ENTPD5: variants seen among roughly 807,000 people sequenced by gnomAD.
ENTPD5 encodes ectonucleoside triphosphate diphosphohydrolase 5 (inactive), also known as nucleoside diphosphate phosphatase ENTPD5.
A neutral mutation model predicts 60.2 loss-of-function variants in ENTPD5; 49 were observed. That is an observed-to-expected ratio of 0.81 (90% CI 0.65 to 1.03). The LOEUF (loss-of-function observed/expected upper bound fraction) is 1.03, where lower values mean the gene tolerates loss of function less well. ENTPD5 is among the 50% of genes least tolerant of loss of function. The pLI is 0.00. For synonymous variants in ENTPD5, 187 were observed against 185.4 expected (o/e 1.01, Z -0.07); for missense variants, 480 against 507.6 (o/e 0.95, Z 0.52).
intron 3 of ENTPD5, among the ~76,000 whole-genome samples, chr14:74,002,611 T>C (rs186259064): frequency 2.6e-5 from 4 of 152,260 alleles, no homozygotes; most frequent in Non-Finnish European, 5.9e-5. Flanking sequence ...GTTGAATACA[T>C]TTCCAGAATC....
intron 3 of ENTPD5, among the ~76,000 whole-genome samples, chr14:73,989,065 A>G (rs928840851): frequency 2.0e-5 from 3 of 150,388 alleles, no homozygotes; most frequent in Non-Finnish European, 4.5e-5. Context: ...CTCGTGATCC[A>G]CCCGCCTCGG....
At chr14:74,006,647 G>A (rs1451977500) in intron 3 of ENTPD5, among the ~76,000 whole-genome samples, 3 of 150,814 alleles carry the variant, frequency 2.0e-5, no homozygotes, top group African/African-American at 4.9e-5. Flanking sequence ...GTGCAGTGGT[G>A]CAGACACAGC....
downstream of ENTPD5, among the ~76,000 whole-genome samples, chr14:73,957,411 A>G (rs2056490232): frequency 6.6e-6 from 1 of 152,206 alleles, no homozygotes; most frequent in South Asian, 2.1e-4. Context: ...CTTTGTTGAC[A>G]GTATGACTGA....
Position 73,976,595 on chromosome 14 carries a change from G to GT in ENTPD5, c.554-184dup, listed in dbSNP as rs375982603. Among the ~76,000 whole-genome samples the GT allele has an allele frequency of 5.4e-3, 754 of 139,886 alleles. 4 individuals carry two copies. Among genetic ancestry groups the GT allele is most frequent in the Middle Eastern group, 0.011 (3 of 274 alleles). The allele number at this position is 139,886 out of a possible 152,430, so 91.8% of individuals were successfully genotyped here. On this transcript the variant is annotated intron_variant, in intron 8 of 15. Coordinates refer to ENST00000334696, the MANE Select transcript of ENTPD5 (RefSeq NM_001249.5). ...TGCAGCAGAGGCCTTCAAGGCAGGT[G>GT]TTTTTTTTTTTTTTGGAAGGCCTTT...
intron 5 of ENTPD5, chr14:73,986,323 ACTCT>A (rs1205063095): frequency 6.5e-6 from 1 of 154,416 alleles, no homozygotes; most frequent in African/African-American, 2.4e-5. Flanking sequence ...GTCGCCACAA[ACTCT>A]CTATTCATCT....
At chr14:73,958,524 C>T, downstream of ENTPD5, 1 of 1,337,928 alleles carries the variant, frequency 7.5e-7, no homozygotes. Flanking sequence ...GGACAGGCAC[C>T]AGAGTGTTGG....
At chr14:73,956,768 G>A (rs910769630), downstream of ENTPD5, 8 of 151,918 alleles carry the variant, frequency 5.3e-5, no homozygotes, top group Admixed American at 3.3e-4. Context: ...TCAGTTATGC[G>A]GCTTGCAAAT....
intron 3 of ENTPD5, among the ~76,000 whole-genome samples, chr14:73,988,849 A>G (rs909533457): frequency 2.6e-5 from 4 of 151,202 alleles, no homozygotes; most frequent in African/African-American, 9.7e-5. Flanking sequence ...TTTGAGACGG[A>G]CTCTCACTCT....
chr14:74,016,182 T>C lies in ENTPD5; in HGVS notation c.-237-252A>G, dbSNP rs2059012731. ...TCACCAGCAGATGACAGTAACAACA[T>C]CCAGTTCTTTGGTAGAAAATGAGGG... is the stretch of plus-strand genomic sequence containing the variant. On this transcript the variant is annotated intron_variant, in intron 1 of 15. Transcript: ENST00000334696. Among the ~76,000 whole-genome samples, 3 of 152,300 alleles carry C rather than the reference T, an allele frequency of 2.0e-5. No individual in the cohort carries two copies. The South Asian group carries it at 6.2e-4, about 32-fold the overall frequency.
At chr14:73,978,912 A>T (rs963006394) in intron 6 of ENTPD5, among the ~76,000 whole-genome samples, 1 of 152,022 alleles carries the variant, frequency 6.6e-6, no homozygotes, top group Non-Finnish European at 1.5e-5. Flanking sequence ...TTCAGTCTCA[A>T]AAAGAAAAAA....
chr14:73,986,867 C>T lies in ENTPD5; in HGVS notation c.244G>A (p.Val82Ile). The change falls in exon 5 of 16, where the codon GTT becomes ATT. Residue 82 changes from valine (V) to isoleucine (I), a missense_variant. Val to Ile is a conservative substitution (Grantham distance 29). Transcript: ENST00000334696. ...PGQLPILEGE[V>I]FDSVKPGLSA... is the part of the protein sequence containing the mutation. Reference sequence around the variant, plus strand: ...AGTCCTGGCTTCACAGAATCAAAAACTTCCCCTTCTAGAATTGGAAGCTGT... The same window carrying T: ...AGTCCTGGCTTCACAGAATCAAAAATTTCCCCTTCTAGAATTGGAAGCTGT... 6.2e-7 allele frequency: 1 copy of T among 1,614,102 alleles called. No individual in the cohort carries two copies. Among genetic ancestry groups the T allele is most frequent in the Non-Finnish European group, 8.5e-7 (1 of 1,179,972 alleles).
In ENTPD5 at chr14:73,974,947, G is replaced by A; in HGVS notation, c.761C>T (p.Thr254Ile). 6.2e-7 allele frequency: 1 copy of A among 1,613,698 alleles called. No individual in the cohort carries two copies. ...GFGLKAARLA[T>I]LGALETEGTD... ...ACCTTCTGTCTCCAGGGCTCCCAGG[G>A]TTGCTAGTCTTGCAGCTTTCAATCC... Residue 254 changes from threonine (T) to isoleucine (I), a missense_variant, in exon 11 of 16, where the codon ACC becomes ATC. Thr to Ile is a moderately conservative substitution (Grantham distance 89). Transcript: ENST00000334696.
At chr14:74,015,362 C>T (rs1489129178) in intron 2 of ENTPD5, among the ~76,000 whole-genome samples, 2 of 93,736 alleles carry the variant, frequency 2.1e-5, no homozygotes, top group African/African-American at 8.5e-5. Flanking sequence ...ACCCCCCGCC[C>T]CCCCTTTTTT....
intron 2 of ENTPD5, among the ~76,000 whole-genome samples, chr14:74,012,156 G>C (rs552246372): frequency 6.6e-4 from 100 of 152,196 alleles, no homozygotes; most frequent in African/African-American, 2.2e-3. Flanking sequence ...CCAGGCTGGA[G>C]TGCAATGGCA....
rs1201773340 is a variant in ENTPD5, at chr14:73,970,053, AG to A, written c.1156del (p.Leu386CysfsTer2). On this transcript the variant is annotated frameshift_variant, in exon 15 of 16. Transcript: ENST00000334696. LOFTEE classifies it high-confidence loss of function. ...TGCAAAGCCAAAGCCATCCTTTAAC[AG>A]GGCTGTGATGTAGCTGAGATCCATG... ...LCMDLSYITA[L>X]LKDGFGFADS... is the part of the protein sequence containing the mutation. 1 of 1,613,914 alleles carries A rather than the reference AG, an allele frequency of 6.2e-7. No homozygotes were observed. The highest frequency in any genetic ancestry group is 1.1e-5 in the South Asian group (1 of 91,080).
intron 3 of ENTPD5, among the ~76,000 whole-genome samples, chr14:73,995,036 T>A (rs944313130): frequency 2.1e-5 from 3 of 145,400 alleles, no homozygotes; most frequent in Admixed American, 1.5e-4. Flanking sequence ...GAACTATACA[T>A]AGCCAGGCAG....
At chr14:74,017,117 G>A (rs959339568) in intron 1 of ENTPD5, among the ~76,000 whole-genome samples, 2 of 152,128 alleles carry the variant, frequency 1.3e-5, no homozygotes, top group Admixed American at 6.5e-5. Flanking sequence ...TTGGAAGTTC[G>A]AGACTAGCCT....
chr14:73,984,385 G>A (rs530435940), intron 5 of ENTPD5, among the ~76,000 whole-genome samples: 1 of 152,312 alleles, frequency 6.6e-6, no homozygotes, highest in South Asian at 2.1e-4. Context: ...GTGTGCATGA[G>A]GCATAGTGCA....
At chr14:73,955,499 G>A (rs372998086), downstream of ENTPD5, 61 of 1,613,926 alleles carry the variant, frequency 3.8e-5, no homozygotes, top group South Asian at 4.2e-4. Context: ...AGAGCCTTTC[G>A]GCGAATGCAG....
Sources: gnomAD v4.1 joint callset for allele counts (sites outside exome capture counted in the v4.1 genomes callset) on GRCh38, gnomAD v4.1.1 for gene constraint, MANE v1.5 for transcripts, NCBI Gene and HGNC (gene_info 2026-07-23, HGNC 2026-07-21) for gene names.